Variants in UBE3D observed in about 807,000 individuals in gnomAD.
UBE3D encodes E3 ubiquitin-protein ligase E3D.
A neutral mutation model predicts 49.6 loss-of-function variants in UBE3D; 48 were observed. The observed-to-expected ratio is 0.97, with a 90% CI of 0.77 to 1.23. UBE3D has a LOEUF of 1.23. UBE3D is among the 50% of genes most tolerant of loss of function. The pLI is 0.00. For missense variants in UBE3D, 452 were observed against 468.4 expected (o/e 0.96, Z 0.32); for synonymous variants, 189 against 174.2 (o/e 1.08, Z -0.67).
At chr6:82,909,081 G>C (rs570235481) in intron 9 of UBE3D, among the ~76,000 whole-genome samples, 102 of 152,338 alleles carry the variant, frequency 6.7e-4, no homozygotes, top group African/African-American at 2.1e-3. Flanking sequence ...GAGGACTTCT[G>C]AAGGGGTTAC....
intron 9 of UBE3D, among the ~76,000 whole-genome samples, chr6:82,940,257 G>A (rs1774911763): frequency 1.3e-5 from 2 of 152,192 alleles, no homozygotes; most frequent in Admixed American, 1.3e-4. Context: ...AAGAATACCT[G>A]CTTATTTCCC....
At chr6:83,004,786 G>T (rs1779860672) in intron 8 of UBE3D, among the ~76,000 whole-genome samples, 1 of 152,044 alleles carries the variant, frequency 6.6e-6, no homozygotes, top group African/African-American at 2.4e-5. Context: ...ATTAACCTTT[G>T]TTTCTTTTGT....
At chr6:82,994,112 G>C (rs1208378674) in intron 8 of UBE3D, among the ~76,000 whole-genome samples, 1 of 152,110 alleles carries the variant, frequency 6.6e-6, no homozygotes, top group African/African-American at 2.4e-5. Context: ...GTATGCATGT[G>C]TTTATTTTTA....
chr6:82,950,433 C>T (rs995491798), intron 9 of UBE3D, among the ~76,000 whole-genome samples: 1 of 152,138 alleles, frequency 6.6e-6, no homozygotes, highest in Non-Finnish European at 1.5e-5. Context: ...ATTAGTACAA[C>T]CAGTATGAAG....
chr6:82,922,794 A>T (rs1005506442), intron 9 of UBE3D, among the ~76,000 whole-genome samples: 6 of 152,362 alleles, frequency 3.9e-5, no homozygotes, highest in African/African-American at 1.4e-4. Flanking sequence ...ACAGAATGGG[A>T]GAAAATTTTT....
downstream of UBE3D, among the ~76,000 whole-genome samples, chr6:82,889,281 C>T (rs185982457): frequency 6.6e-6 from 1 of 152,298 alleles, no homozygotes; most frequent in African/African-American, 2.4e-5. Flanking sequence ...ACTAGGCTGG[C>T]TTTATCATGC....
chr6:82,997,116 C>T (rs1429493003), intron 8 of UBE3D, among the ~76,000 whole-genome samples: 1 of 152,112 alleles, frequency 6.6e-6, no homozygotes, highest in Non-Finnish European at 1.5e-5. Flanking sequence ...TCTAAAATTA[C>T]TCCAAAGTAA....
intron 9 of UBE3D, among the ~76,000 whole-genome samples, chr6:82,912,882 G>A (rs1772630341): frequency 6.6e-6 from 1 of 152,158 alleles, no homozygotes; most frequent in East Asian, 1.9e-4. Context: ...TCTTGTCAGT[G>A]GTTATTCTCT....
At chr6:82,902,325 A>T (rs1208117045) in intron 9 of UBE3D, among the ~76,000 whole-genome samples, 1 of 152,250 alleles carries the variant, frequency 6.6e-6, no homozygotes, top group East Asian at 1.9e-4. Context: ...TTATGTTCAC[A>T]TAATAATCTG....
chr6:82,960,270 T>C (rs2127778262), intron 8 of UBE3D, among the ~76,000 whole-genome samples: 1 of 152,320 alleles, frequency 6.6e-6, no homozygotes, highest in South Asian at 2.1e-4. Flanking sequence ...CTTTTTGCTT[T>C]TACTCATTAC....
intron 3 of UBE3D, among the ~76,000 whole-genome samples, chr6:83,047,872 G>A (rs1440746363): frequency 6.6e-6 from 1 of 151,528 alleles, no homozygotes; most frequent in Admixed American, 6.6e-5. Context: ...TACGAGGTCA[G>A]GAGATCAAGA....
chr6:82,929,604 CT>C (rs1763185398), intron 9 of UBE3D, among the ~76,000 whole-genome samples: 1 of 151,960 alleles, frequency 6.6e-6, no homozygotes, highest in Non-Finnish European at 1.5e-5. Context: ...AGTGAGTCCT[CT>C]GATTTTGTGA....
chr6:82,896,322 G>C (rs759931455), intron 9 of UBE3D, among the ~76,000 whole-genome samples: 1 of 152,156 alleles, frequency 6.6e-6, no homozygotes, highest in South Asian at 2.1e-4. Flanking sequence ...AAGTTTTAAA[G>C]CTTCTCAGAG....
intron 9 of UBE3D, among the ~76,000 whole-genome samples, chr6:82,907,032 C>A (rs1281696157): frequency 1.3e-5 from 2 of 152,122 alleles, no homozygotes; most frequent in Non-Finnish European, 2.9e-5. Flanking sequence ...GAACTTAATT[C>A]TTTTTAAACT....
chr6:82,907,759 G>A (rs1772209744), intron 9 of UBE3D, among the ~76,000 whole-genome samples: 1 of 152,186 alleles, frequency 6.6e-6, no homozygotes, highest in Non-Finnish European at 1.5e-5. Context: ...AATGGCACAT[G>A]CACTTTGCAA....
the UBE3D span, among the ~76,000 whole-genome samples, chr6:82,886,022 T>C: frequency 6.6e-6 from 1 of 152,196 alleles, no homozygotes; most frequent in Non-Finnish European, 1.5e-5. Flanking sequence ...ATATCATCAC[T>C]CACTGCTTTG....
At chr6:82,975,791 T>C (rs537812593) in intron 8 of UBE3D, among the ~76,000 whole-genome samples, 6 of 152,274 alleles carry the variant, frequency 3.9e-5, no homozygotes, top group African/African-American at 1.4e-4. Context: ...ATTTAAGATT[T>C]TTGTCATTAG....
rs1782632984 is a variant in UBE3D, at chr6:83,041,016, A to T, written c.598-2531T>A. Among the ~76,000 whole-genome samples the T allele has an allele frequency of 3.3e-5, 5 of 152,258 alleles. No homozygotes were observed. In the South Asian group the frequency reaches 1.0e-3, roughly 31 times the overall value. Reference sequence around the variant, plus strand: ...CTTTCTTACAGTAAAACATACCTGCATGGCTCCAAGTTGATATTAAAAATA... The same window carrying T: ...CTTTCTTACAGTAAAACATACCTGCTTGGCTCCAAGTTGATATTAAAAATA... On this transcript the variant is annotated intron_variant, in intron 4 of 9. Transcript: ENST00000369747.
chr6:83,039,958 T>C (rs1339844430), intron 4 of UBE3D, among the ~76,000 whole-genome samples: 1 of 152,074 alleles, frequency 6.6e-6, no homozygotes, highest in African/African-American at 2.4e-5. Flanking sequence ...TTTTAAAAAA[T>C]GAAATACAAT....
Sources: allele counts gnomAD v4.1 joint callset (sites outside exome capture counted in the v4.1 genomes callset), GRCh38; gene constraint gnomAD v4.1.1; transcripts MANE v1.5; gene names NCBI Gene and HGNC (gene_info 2026-07-23, HGNC 2026-07-21).